CXADR: variants seen among roughly 807,000 people sequenced by gnomAD.
The protein encoded by CXADR is coxsackievirus and adenovirus receptor.
Under a neutral mutation model 40.3 loss-of-function variants are expected in CXADR, and 20 were observed. The ratio of observed to expected loss-of-function variants is 0.50; its 90% CI spans 0.35 to 0.72. CXADR has a LOEUF of 0.72. Among genes scored for constraint, CXADR ranks in the 30% least tolerant of loss-of-function variants. The pLI is 0.01. For missense variants in CXADR, 332 were observed against 449.1 expected (o/e 0.74, Z 2.36); for synonymous variants, 150 against 161.3 (o/e 0.93, Z 0.53).
At chr21:17,522,630 A>G (rs1345481746) in intron 1 of CXADR, among the ~76,000 whole-genome samples, 1 of 152,128 alleles carries the variant, frequency 6.6e-6, no homozygotes, top group Non-Finnish European at 1.5e-5. Context: ...CGGTGGTCAC[A>G]TCGTATCTTC....
chr21:17,551,724 C>A, intron 2 of CXADR, 25 bp from the exon 3 acceptor site: 1 of 1,578,072 alleles, frequency 6.3e-7, no homozygotes, highest in Non-Finnish European at 8.6e-7. Context: ...GTTTTTCCTC[C>A]TGTCTAATTT....
chr21:17,598,126 C>A (rs1457582793), downstream of CXADR, among the ~76,000 whole-genome samples: 1 of 152,028 alleles, frequency 6.6e-6, no homozygotes, highest in Admixed American at 6.6e-5. Flanking sequence ...TCTGTAAGTG[C>A]AGGCACACTA....
chr21:17,533,006 T>G (rs1300500874), intron 1 of CXADR, among the ~76,000 whole-genome samples: 1 of 152,210 alleles, frequency 6.6e-6, no homozygotes, highest in Non-Finnish European at 1.5e-5. Context: ...AGAGAACTCC[T>G]GCTAATGCCT....
intron 1 of CXADR, chr21:17,542,906 T>C (rs568081917): frequency 5.5e-6 from 1 of 180,868 alleles, no homozygotes; most frequent in Admixed American, 6.2e-5. Flanking sequence ...TTATGTAATT[T>C]GTGTCTGTTG....
At chr21:17,603,481 G>A in the CXADR span, among the ~76,000 whole-genome samples, 1 of 152,070 alleles carries the variant, frequency 6.6e-6, no homozygotes, top group Non-Finnish European at 1.5e-5. Context: ...AAATTTAATG[G>A]AAGAATAATC....
intron 7 of CXADR, among the ~76,000 whole-genome samples, chr21:17,576,420 T>C (rs1471422341): frequency 6.6e-6 from 1 of 152,192 alleles, no homozygotes; most frequent in Non-Finnish European, 1.5e-5. Flanking sequence ...ATCCCAATTT[T>C]TATGGGATTG....
the CXADR span, among the ~76,000 whole-genome samples, chr21:17,631,307 A>G: frequency 6.6e-6 from 1 of 152,184 alleles, no homozygotes; most frequent in Non-Finnish European, 1.5e-5. Flanking sequence ...ATAAAATAAA[A>G]CAGTTGAACT....
At chr21:17,532,860 A>G (rs1276317770) in intron 1 of CXADR, among the ~76,000 whole-genome samples, 1 of 152,214 alleles carries the variant, frequency 6.6e-6, no homozygotes, top group Non-Finnish European at 1.5e-5. Context: ...TTTAGAGAGG[A>G]AAACATCTAG....
At chr21:17,559,703 G>T (rs1367865356) in intron 4 of CXADR, among the ~76,000 whole-genome samples, 5 of 136,798 alleles carry the variant, frequency 3.7e-5, no homozygotes, top group Admixed American at 1.6e-4. Context: ...CGAGACAAGG[G>T]GTCTCGCTCT....
At chr21:17,556,603 G>C (rs751124279) in intron 3 of CXADR, among the ~76,000 whole-genome samples, 1 of 152,128 alleles carries the variant, frequency 6.6e-6, no homozygotes, top group Non-Finnish European at 1.5e-5. Context: ...GTAGTTTGAA[G>C]AACTGGAAGA....
At chr21:17,588,350 T>G (rs1337496421) in intron 7 of CXADR, among the ~76,000 whole-genome samples, 3 of 152,250 alleles carry the variant, frequency 2.0e-5, no homozygotes, top group Non-Finnish European at 4.4e-5. Flanking sequence ...ACGATATTGA[T>G]TCTTCCTACC....
chr21:17,544,934 A>C (rs961600010), intron 1 of CXADR, among the ~76,000 whole-genome samples: 6 of 152,048 alleles, frequency 3.9e-5, no homozygotes, highest in Non-Finnish European at 8.8e-5. Flanking sequence ...TTTTAGGACT[A>C]ATGGAAAGAA....
the CXADR span, chr21:17,604,165 C>T: frequency 7.1e-5 from 91 of 1,276,450 alleles, no homozygotes; most frequent in Middle Eastern, 2.5e-3. Context: ...AGGAGGAGGC[C>T]GGGCGCAGTG....
the CXADR span, among the ~76,000 whole-genome samples, chr21:17,629,082 G>A: frequency 6.6e-6 from 1 of 152,090 alleles, no homozygotes; most frequent in African/African-American, 2.4e-5. Context: ...TGTCTTCAAG[G>A]AGCTTACAAC....
chr21:17,545,280 C>T (rs938046123), intron 1 of CXADR, among the ~76,000 whole-genome samples: 1 of 151,642 alleles, frequency 6.6e-6, no homozygotes, highest in African/African-American at 2.4e-5. Context: ...GTTATGCACA[C>T]TTTAGATGTT....
chr21:17,592,124 G>A (rs1278833187), intron 7 of CXADR, among the ~76,000 whole-genome samples: 1 of 151,870 alleles, frequency 6.6e-6, no homozygotes, highest in Non-Finnish European at 1.5e-5. Flanking sequence ...ACTAATTAAG[G>A]AGATTTTGTA....
the CXADR span, among the ~76,000 whole-genome samples, chr21:17,611,122 C>T: frequency 6.6e-6 from 1 of 152,240 alleles, no homozygotes; most frequent in Non-Finnish European, 1.5e-5. Context: ...GCAGCCTCCT[C>T]CTGAAAAATG....
chr21:17,582,359 C>T (rs1041615519), intron 7 of CXADR, among the ~76,000 whole-genome samples: 27 of 152,062 alleles, frequency 1.8e-4, no homozygotes, highest in African/African-American at 5.6e-4. Context: ...TGATTTGACC[C>T]GCAACTTTTC....
intron 1 of CXADR, among the ~76,000 whole-genome samples, chr21:17,521,742 A>G (rs1022059553): frequency 6.6e-6 from 1 of 152,232 alleles, no homozygotes; most frequent in Admixed American, 6.5e-5. Context: ...TCCAGAGGAC[A>G]GTAGCATATC....
Sources: allele counts gnomAD v4.1 joint callset (sites outside exome capture counted in the v4.1 genomes callset), GRCh38; gene constraint gnomAD v4.1.1; transcripts MANE v1.5; gene names NCBI Gene and HGNC (gene_info 2026-07-23, HGNC 2026-07-21).